Variants in RALGPS2 observed in about 807,000 individuals in gnomAD.
The protein encoded by RALGPS2 is Ral GEF with PH domain and SH3 binding motif 2, also known as ras-specific guanine nucleotide-releasing factor RalGPS2.
RALGPS2 carries 43 observed loss-of-function variants against 86.8 expected under a neutral mutation model. The ratio of observed to expected loss-of-function variants is 0.50; its 90% confidence interval spans 0.39 to 0.64. The LOEUF (loss-of-function observed/expected upper bound fraction) is 0.64. Ranked by LOEUF, RALGPS2 falls within the 30% of genes least tolerant of loss-of-function variation. The pLI is 0.00. For missense variants in RALGPS2, 536 were observed against 694.6 expected (o/e 0.77, Z 2.57); for synonymous variants, 243 against 231.3 (o/e 1.05, Z -0.46).
intron 1 of RALGPS2, among the ~76,000 whole-genome samples, chr1:178,749,089 A>G (rs1179707927): frequency 6.6e-6 from 1 of 152,166 alleles, no homozygotes; most frequent in African/African-American, 2.4e-5. Context: ...CCTCTCACTT[A>G]CAGGTACACA....
chr1:178,759,265 G>C (rs191818824), intron 1 of RALGPS2, among the ~76,000 whole-genome samples: 13 of 152,188 alleles, frequency 8.5e-5, no homozygotes, highest in African/African-American at 2.9e-4. Flanking sequence ...AGAGTTAGGG[G>C]TCTAGTTCCA....
At chr1:178,745,033 G>T (rs1651237703) in intron 1 of RALGPS2, among the ~76,000 whole-genome samples, 1 of 152,148 alleles carries the variant, frequency 6.6e-6, no homozygotes. Context: ...AAATTGAAAT[G>T]TAATAAAACC....
chr1:178,864,551 A>G (rs1387422277), intron 8 of RALGPS2, among the ~76,000 whole-genome samples: 3 of 152,150 alleles, frequency 2.0e-5, no homozygotes, highest in Admixed American at 6.6e-5. Flanking sequence ...TTTCTTTTGA[A>G]GAAGATGATG....
At chr1:178,767,975 C>T (rs976082703) in intron 1 of RALGPS2, among the ~76,000 whole-genome samples, 6 of 152,178 alleles carry the variant, frequency 3.9e-5, no homozygotes, top group African/African-American at 1.4e-4. Context: ...CTCCTGGGCT[C>T]ATAGCGATTC....
intron 1 of RALGPS2, among the ~76,000 whole-genome samples, chr1:178,729,694 G>A (rs1650227353): frequency 6.6e-6 from 1 of 152,222 alleles, no homozygotes; most frequent in East Asian, 1.9e-4. Context: ...GATTTGGGAT[G>A]CCCAACTGGC....
At chr1:178,894,941 A>G (rs1659875032) in intron 16 of RALGPS2, among the ~76,000 whole-genome samples, 1 of 152,086 alleles carries the variant, frequency 6.6e-6, no homozygotes, top group African/African-American at 2.4e-5. Flanking sequence ...AATAAAGAGT[A>G]ACAACCCTAA....
At chr1:178,905,768 C>T (rs1660363555) in intron 18 of RALGPS2, among the ~76,000 whole-genome samples, 1 of 152,170 alleles carries the variant, frequency 6.6e-6, no homozygotes, top group Admixed American at 6.5e-5. Context: ...CACCTTAATA[C>T]ATATAACCAT....
chr1:178,875,720 C>T (rs1450150329), intron 8 of RALGPS2, among the ~76,000 whole-genome samples: 2 of 151,826 alleles, frequency 1.3e-5, no homozygotes, highest in African/African-American at 4.8e-5. Flanking sequence ...TGCATTCCAG[C>T]CTGTGACAGA....
chr1:178,897,393 A>G (rs983045124), intron 16 of RALGPS2, among the ~76,000 whole-genome samples: 7 of 152,114 alleles, frequency 4.6e-5, no homozygotes, highest in Admixed American at 2.6e-4. Flanking sequence ...TCTAGGGCAT[A>G]AAAAGAGAGT....
chr1:178,875,397 G>C (rs928260490), intron 8 of RALGPS2, among the ~76,000 whole-genome samples: 5 of 152,172 alleles, frequency 3.3e-5, no homozygotes, highest in African/African-American at 9.7e-5. Flanking sequence ...TGAGGCGTGG[G>C]ATCAGATTTG....
At chr1:178,733,162 G>A (rs1361278528) in intron 1 of RALGPS2, among the ~76,000 whole-genome samples, 1 of 152,186 alleles carries the variant, frequency 6.6e-6, no homozygotes, top group Non-Finnish European at 1.5e-5. Context: ...GTATGACCCT[G>A]TTGGAGGCAA....
intron 5 of RALGPS2, among the ~76,000 whole-genome samples, chr1:178,810,798 C>G (rs1654940175): frequency 6.6e-6 from 1 of 151,872 alleles, no homozygotes; most frequent in Non-Finnish European, 1.5e-5. Flanking sequence ...TAATTTTGAA[C>G]TATATTCTGT....
At chr1:178,836,544 TAAG>T in intron 8 of RALGPS2, among the ~76,000 whole-genome samples, 1 of 152,322 alleles carries the variant, frequency 6.6e-6, no homozygotes, top group East Asian at 1.9e-4. Context: ...ATTTTCCTAA[TAAG>T]GTCACCAGTG....
At chr1:178,876,020 A>C (rs560526196) in intron 8 of RALGPS2, among the ~76,000 whole-genome samples, 1 of 152,206 alleles carries the variant, frequency 6.6e-6, no homozygotes, top group Non-Finnish European at 1.5e-5. Flanking sequence ...AAAGTATGAT[A>C]GGTGACTTAA....
At chr1:178,885,672 T>C (rs988779744) in intron 12 of RALGPS2, 1 of 230,048 alleles carries the variant, frequency 4.3e-6, no homozygotes, top group Non-Finnish European at 8.2e-6. Flanking sequence ...ACATGTTCAC[T>C]TTTGCCATGA....
At chr1:178,805,539 C>A (rs1020266863) in intron 4 of RALGPS2, among the ~76,000 whole-genome samples, 1 of 151,850 alleles carries the variant, frequency 6.6e-6, no homozygotes, top group Admixed American at 6.6e-5. Flanking sequence ...ATAGGGAATC[C>A]TTTCCCCATT....
chr1:178,728,738 T>G (rs183033763), intron 1 of RALGPS2, among the ~76,000 whole-genome samples: 90 of 152,282 alleles, frequency 5.9e-4, no homozygotes, highest in African/African-American at 2.1e-3. Context: ...AGTGAGAGAA[T>G]AAAGATTGTG....
At chr1:178,774,920 C>T (rs139464720) in intron 1 of RALGPS2, among the ~76,000 whole-genome samples, 3 of 152,246 alleles carry the variant, frequency 2.0e-5, no homozygotes, top group Non-Finnish European at 4.4e-5. Context: ...TTTACTACTT[C>T]TAGGAAACAG....
Position 178,916,414 on chromosome 1 carries a change from T to G in RALGPS2, c.*55T>G. The G allele has an allele frequency of 2.0e-6, 3 of 1,508,708 alleles. No homozygotes were observed. The highest frequency in any genetic ancestry group is 2.7e-6 in the Non-Finnish European group (3 of 1,096,196). The allele number at this position is 1,508,708 out of a possible 1,614,324, so 93.5% of individuals were successfully genotyped here. The stretch of plus-strand genomic sequence containing the variant: ...TTGCTTCTACGTGAGCATGAGGACC[T>G]GATAAAAGAGCGCCAGCTATAAACC... On this transcript the variant is annotated 3_prime_UTR_variant, in exon 20 of 20. Transcript: ENST00000367635.
Sources: gnomAD v4.1 joint callset for allele counts (sites outside exome capture counted in the v4.1 genomes callset) on GRCh38, gnomAD v4.1.1 for gene constraint, MANE v1.5 for transcripts, NCBI Gene and HGNC (gene_info 2026-07-23, HGNC 2026-07-21) for gene names.